ZMYM2: variants seen among roughly 807,000 people sequenced by gnomAD.
ZMYM2 encodes the protein zinc finger MYM-type protein 2.
Under a neutral mutation model 162.8 loss-of-function variants are expected in ZMYM2, and 56 were observed. That is an observed-to-expected ratio of 0.34 (90% confidence interval 0.28 to 0.43). The LOEUF (loss-of-function observed/expected upper bound fraction) is 0.43, where lower values mean the gene tolerates loss of function less well. Among genes scored for constraint, ZMYM2 ranks in the 20% least tolerant of loss-of-function variants. The pLI is 1.00. For synonymous variants in ZMYM2, 510 were observed against 541.6 expected (o/e 0.94, Z 0.81); for missense variants, 1,275 against 1,621.8 (o/e 0.79, Z 3.67).
the ZMYM2 span, among the ~76,000 whole-genome samples, chr13:19,947,205 T>C: frequency 2.0e-5 from 3 of 151,356 alleles, no homozygotes; most frequent in Admixed American, 1.3e-4. Context: ...GGACTAGAGG[T>C]GCCCGCCACC....
chr13:19,933,831 C>A, the ZMYM2 span, among the ~76,000 whole-genome samples: 1 of 152,298 alleles, frequency 6.6e-6, no homozygotes, highest in South Asian at 2.1e-4. Context: ...AACTGACTCT[C>A]TTCAGACAGA....
At chr13:19,995,450 G>A (rs111265062) in intron 3 of ZMYM2, among the ~76,000 whole-genome samples, 17 of 151,746 alleles carry the variant, frequency 1.1e-4, no homozygotes, top group African/African-American at 4.1e-4. Flanking sequence ...TTGCTGTATC[G>A]CCCAGGCTGG....
the ZMYM2 span, among the ~76,000 whole-genome samples, chr13:19,874,132 G>T: frequency 1.3e-5 from 2 of 152,198 alleles, no homozygotes; most frequent in Admixed American, 1.3e-4. Context: ...TGGATTAACT[G>T]TCTTAGGTCT....
At chr13:19,952,810 A>T in the ZMYM2 span, among the ~76,000 whole-genome samples, 1 of 152,198 alleles carries the variant, frequency 6.6e-6, no homozygotes, top group Non-Finnish European at 1.5e-5. Flanking sequence ...CCCTCAGTTC[A>T]CTGAAGAAAC....
At chr13:19,904,451 G>A in the ZMYM2 span, among the ~76,000 whole-genome samples, 1 of 152,044 alleles carries the variant, frequency 6.6e-6, no homozygotes, top group Non-Finnish European at 1.5e-5. Context: ...CCAGCTACTT[G>A]GGGGGCTGAG....
At position 20,010,716 on chromosome 13, in the gene ZMYM2, CTG is replaced by C. The variant is rs1186786010; in HGVS notation, c.1512+4132_1512+4133del. Among the ~76,000 whole-genome samples the C allele has an allele frequency of 2.0e-5, 3 of 152,270 alleles. No homozygotes were observed. In the East Asian group the frequency reaches 5.8e-4, roughly 29 times the overall value. ...AGTGCAGCAGCGAGATCTTGGCTCA[CTG>C]TAGCCTCTGCCTCCTGGGTTCAAGT... On this transcript the variant is annotated intron_variant, in intron 6 of 24. Transcript: ENST00000610343.
At chr13:20,001,695 G>A (rs1950403656) in intron 3 of ZMYM2, among the ~76,000 whole-genome samples, 1 of 152,170 alleles carries the variant, frequency 6.6e-6, no homozygotes, top group Non-Finnish European at 1.5e-5. Context: ...CATTGATGGG[G>A]TAAAGATCAT....
At chr13:20,006,713 G>C in intron 6 of ZMYM2, 127 bp downstream of exon 6, 1 of 994,158 alleles carries the variant, frequency 1.0e-6, no homozygotes, top group Middle Eastern at 2.8e-4. Flanking sequence ...CATTATTGTT[G>C]TCATATCATG....
At chr13:20,027,636 T>G (rs570580915) in intron 9 of ZMYM2, among the ~76,000 whole-genome samples, 1 of 152,168 alleles carries the variant, frequency 6.6e-6, no homozygotes, top group Non-Finnish European at 1.5e-5. Context: ...GGAACTGTTA[T>G]GTGACAAACG....
In ZMYM2 at chr13:20,031,319, G is replaced by C; in HGVS notation, c.1852G>C (p.Ala618Pro). ...CNSSCVAKFQ[A>P]LSMQSSPNGQ... ...TAGTATCTTTTGTTCTTTGTTTTAG[G>C]CTCTAAGTATGCAGTCATCTCCAAA... Residue 618 changes from alanine to proline, a missense_variant and splice_region_variant, in exon 10 of 25, where the codon GCT becomes CCT. Physicochemically the swap from Ala to Pro is conservative, Grantham distance 27. This residue lies in a region of ZMYM2 where 276 missense variants were observed against 311.8 expected (regional missense o/e 0.89). Coordinates refer to ENST00000610343, the MANE Select transcript of ZMYM2 (RefSeq NM_197968.4). The C allele has an allele frequency of 6.2e-7, 1 of 1,600,246 alleles. No homozygotes were observed. Among genetic ancestry groups the C allele is most frequent in the East Asian group, 2.2e-5 (1 of 44,544 alleles).
At chr13:19,986,886 T>G (rs1949191329) in intron 2 of ZMYM2, among the ~76,000 whole-genome samples, 1 of 151,890 alleles carries the variant, frequency 6.6e-6, no homozygotes, top group African/African-American at 2.4e-5. Context: ...GTGGATCACT[T>G]GAAGTCAGGA....
the ZMYM2 span, among the ~76,000 whole-genome samples, chr13:19,896,588 C>G: frequency 6.6e-6 from 1 of 150,524 alleles, no homozygotes; most frequent in Admixed American, 6.6e-5. Context: ...AACCCCGTCT[C>G]TACTAAAAAA....
At chr13:19,945,951 GAAAAAAAAAA>G in the ZMYM2 span, among the ~76,000 whole-genome samples, 7 of 89,572 alleles carry the variant, frequency 7.8e-5, no homozygotes, top group African/African-American at 3.0e-4. Context: ...CTCCGTCTCA[GAAAAAAAAAA>G]AAAAAAAAAA....
chr13:19,970,247 T>C (rs1956182091), intron 2 of ZMYM2, among the ~76,000 whole-genome samples: 1 of 152,176 alleles, frequency 6.6e-6, no homozygotes, highest in Non-Finnish European at 1.5e-5. Flanking sequence ...AGTTTATTTA[T>C]GCTGTTGTAG....
At chr13:19,866,265 A>G in the ZMYM2 span, among the ~76,000 whole-genome samples, 1 of 151,918 alleles carries the variant, frequency 6.6e-6, no homozygotes, top group Non-Finnish European at 1.5e-5. Flanking sequence ...AATTAAATAA[A>G]TTATCACACA....
chr13:19,972,967 G>A (rs373358450), intron 2 of ZMYM2, among the ~76,000 whole-genome samples: 13 of 148,656 alleles, frequency 8.7e-5, no homozygotes, highest in African/African-American at 3.0e-4. Flanking sequence ...ATGGAGTCTC[G>A]CTCTTATCAC....
chr13:20,074,963 A>C (rs914129925), intron 21 of ZMYM2, among the ~76,000 whole-genome samples: 6 of 152,220 alleles, frequency 3.9e-5, no homozygotes, highest in African/African-American at 1.4e-4. Flanking sequence ...AGTTTACCAA[A>C]ATTTTTAAAA....
At chr13:19,916,060 A>G in the ZMYM2 span, among the ~76,000 whole-genome samples, 4 of 151,938 alleles carry the variant, frequency 2.6e-5, no homozygotes, top group African/African-American at 9.6e-5. Context: ...ATGAGGTTTC[A>G]CCGTGTTAGC....
the ZMYM2 span, among the ~76,000 whole-genome samples, chr13:19,875,301 A>G: frequency 6.6e-6 from 1 of 152,122 alleles, no homozygotes; most frequent in Non-Finnish European, 1.5e-5. Context: ...AATCTGGTAC[A>G]TATGTACCAT....
Sources: gnomAD v4.1 joint callset for allele counts (sites outside exome capture counted in the v4.1 genomes callset) on GRCh38, gnomAD v4.1.1 for gene constraint, gnomAD v4.1.1 regional missense constraint, MANE v1.5 for transcripts, NCBI Gene and HGNC (gene_info 2026-07-23, HGNC 2026-07-21) for gene names.